The following TADA2A variants were observed in gnomAD, a reference collection of about 807,000 sequenced individuals.
The protein encoded by TADA2A is transcriptional adaptor 2A, also known as transcriptional adapter 2-alpha.
TADA2A carries 38 observed loss-of-function variants against 67.4 expected under a neutral mutation model. That is an observed-to-expected ratio of 0.56 (90% confidence interval 0.44 to 0.74). The LOEUF (loss-of-function observed/expected upper bound fraction) is 0.74. TADA2A is among the 30% of genes least tolerant of loss of function. The pLI is 0.00. For synonymous variants in TADA2A, 192 were observed against 181.6 expected, an observed-to-expected ratio of 1.06 and a Z score of -0.46; for missense variants, 454 against 547.0, an observed-to-expected ratio of 0.83 and a Z score of 1.70.
rs1056797331 is a variant in TADA2A, at chr17:37,470,419, C to T, written c.915C>T (p.His305=). Residue 305 remains histidine (H), a synonymous_variant, in exon 13 of 16, where the codon CAC becomes CAT. Transcript: ENST00000615182. ...TNFCSARTYD[H]LKKTREEERL... is the part of the protein sequence containing the mutation. Reference sequence around the variant, plus strand: ...CCCCAGGTGCCAGAACCTACGATCACCTCAAGAAGACACGGGAGGAAGAGC... The same window carrying T: ...CCCCAGGTGCCAGAACCTACGATCATCTCAAGAAGACACGGGAGGAAGAGC... The T allele has an allele frequency of 1.2e-6, 2 of 1,613,674 alleles. No individual in the cohort carries two copies. Among genetic ancestry groups the T allele is most frequent in the Non-Finnish European group, 1.7e-6 (2 of 1,179,894 alleles).
chr17:37,471,916 TTGAGTA>T (rs1327120188), intron 14 of TADA2A, among the ~76,000 whole-genome samples: 89 of 152,336 alleles, frequency 5.8e-4, no homozygotes, highest in East Asian at 5.8e-4. Context: ...TTTTACCTCT[TTGAGTA>T]TGTCCTATTT....
intron 10 of TADA2A, among the ~76,000 whole-genome samples, chr17:37,463,591 A>G (rs2053596064): frequency 6.6e-6 from 1 of 151,430 alleles, no homozygotes; most frequent in South Asian, 2.1e-4. Flanking sequence ...GGCAACAGAA[A>G]ATCTATATTT....
intron 10 of TADA2A, among the ~76,000 whole-genome samples, chr17:37,463,622 C>G (rs2053596943): frequency 6.6e-6 from 1 of 151,722 alleles, no homozygotes; most frequent in Non-Finnish European, 1.5e-5. Context: ...TAGCCATCAT[C>G]ATAAGTATGT....
chr17:37,429,453 G>GA lies in TADA2A; in HGVS notation c.192+2454dup, dbSNP rs1009273455. Among the ~76,000 whole-genome samples, 103 of 148,402 alleles carry GA rather than the reference G, an allele frequency of 6.9e-4. 1 individual carries two copies. Among genetic ancestry groups the GA allele is most frequent in the Admixed American group, 2.7e-3 (40 of 14,848 alleles). On this transcript the variant is annotated intron_variant, in intron 4 of 15. Coordinates refer to ENST00000615182, the MANE Select transcript of TADA2A (RefSeq NM_001166105.3). ...TTTATTTTTATTTTATTTATTTATT[G>GA]AAAAAAAAAATAGAGACAGGGTTTC... is the stretch of plus-strand genomic sequence containing the variant.
chr17:37,441,660 A>G (rs2052920406), intron 6 of TADA2A, among the ~76,000 whole-genome samples: 1 of 135,830 alleles, frequency 7.4e-6, no homozygotes, highest in African/African-American at 2.9e-5. Context: ...AAAGGCTGGT[A>G]ATACCTCCTT....
chr17:37,462,965 G>A (rs2053581091), intron 10 of TADA2A, among the ~76,000 whole-genome samples: 1 of 152,018 alleles, frequency 6.6e-6, no homozygotes, highest in African/African-American at 2.4e-5. Flanking sequence ...CCTTACTGTG[G>A]TTTTTTGTTG....
intron 2 of TADA2A, among the ~76,000 whole-genome samples, chr17:37,419,962 C>T (rs1451569074): frequency 7.0e-6 from 1 of 143,422 alleles, no homozygotes; most frequent in African/African-American, 2.6e-5. Flanking sequence ...TTGCAGTGAG[C>T]TGAGATCGCG....
intron 4 of TADA2A, among the ~76,000 whole-genome samples, chr17:37,427,476 A>G (rs2147936036): frequency 6.6e-6 from 1 of 152,356 alleles, no homozygotes; most frequent in East Asian, 1.9e-4. Context: ...AAGTGAACAC[A>G]GCAAATGAAT....
intron 2 of TADA2A, among the ~76,000 whole-genome samples, chr17:37,418,747 A>G (rs1048749961): frequency 1.5e-4 from 22 of 151,604 alleles, no homozygotes; most frequent in African/African-American, 5.1e-4. Context: ...CCACCACCAC[A>G]TCCAGCTAAT....
In TADA2A at chr17:37,441,005, G is replaced by C. The variant is rs142222745; in HGVS notation, c.442+343G>C. 4.9e-3 allele frequency among the ~76,000 whole-genome samples: 742 copies of C among 151,658 alleles called. 2 individuals carry two copies. Among genetic ancestry groups the C allele is most frequent in the Non-Finnish European group, 7.7e-3 (524 of 67,994 alleles). ...AGCTACTGGGGAGGCCAAGGCAGGAGAATCACTTGAACCGGGTAGGCGGAG... is the reference window on the plus strand; with the variant it reads ...AGCTACTGGGGAGGCCAAGGCAGGACAATCACTTGAACCGGGTAGGCGGAG... On this transcript the variant is annotated intron_variant, in intron 6 of 15. Transcript: ENST00000615182.
chr17:37,411,314 TGAA>T lies in TADA2A; in HGVS notation c.-47_-45del, dbSNP rs1200509235. 1.9e-6 allele frequency: 3 copies of T among 1,605,858 alleles called. No individual in the cohort carries two copies. The highest frequency in any genetic ancestry group is 2.6e-6 in the Non-Finnish European group (3 of 1,172,982). Reference sequence around the variant, plus strand: ...TATGTGTTGGCCGGTTCTGAAGTCTTGAAGAAGCTCTGCTGAGGAAGACCAAAG... The same window carrying T: ...TATGTGTTGGCCGGTTCTGAAGTCTTGAAGCTCTGCTGAGGAAGACCAAAG... On this transcript the variant is annotated 5_prime_UTR_variant, in exon 2 of 16. Coordinates refer to ENST00000615182, the MANE Select transcript of TADA2A (RefSeq NM_001166105.3).
At chr17:37,408,522 A>G (rs2051734250) in intron 1 of TADA2A, 1 of 152,340 alleles carries the variant, frequency 6.6e-6, no homozygotes, top group Admixed American at 6.6e-5. Flanking sequence ...AAGTGCTGGG[A>G]TTACAGGCGT....
intron 8 of TADA2A, 52 bp downstream of exon 8, chr17:37,444,820 C>G (rs1011336425): frequency 6.6e-7 from 1 of 1,506,844 alleles, no homozygotes; most frequent in African/African-American, 1.4e-5. Flanking sequence ...TGTGATGACA[C>G]TGTCTTGGGT....
chr17:37,463,367 T>C (rs2053590654), intron 10 of TADA2A, among the ~76,000 whole-genome samples: 1 of 152,118 alleles, frequency 6.6e-6, no homozygotes, highest in Non-Finnish European at 1.5e-5. Flanking sequence ...TCCCAGTTGA[T>C]AGATTCTTGT....
chr17:37,470,643 G>T, intron 13 of TADA2A, 111 bp downstream of exon 13: 1 of 1,210,644 alleles, frequency 8.3e-7, no homozygotes, highest in Non-Finnish European at 1.1e-6. Flanking sequence ...GTAGCTGGAA[G>T]AATTCAGAAA....
At chr17:37,458,829 A>G (rs1315175130) in intron 9 of TADA2A, among the ~76,000 whole-genome samples, 1 of 152,066 alleles carries the variant, frequency 6.6e-6, no homozygotes, top group African/African-American at 2.4e-5. Flanking sequence ...GCAGTGCGCC[A>G]CCATGCCTGG....
intron 4 of TADA2A, among the ~76,000 whole-genome samples, chr17:37,429,411 A>G (rs773739826): frequency 3.9e-5 from 6 of 152,164 alleles, no homozygotes; most frequent in Non-Finnish European, 7.3e-5. Flanking sequence ...CAGGAATCTT[A>G]GGATGAGGGG....
chr17:37,451,181 C>A (rs1052782685), intron 8 of TADA2A, among the ~76,000 whole-genome samples: 10 of 152,106 alleles, frequency 6.6e-5, no homozygotes, highest in Non-Finnish European at 1.5e-5. Flanking sequence ...GCACACGCCA[C>A]CACACTTGGC....
chr17:37,425,128 G>GC (rs1283011502), intron 3 of TADA2A, among the ~76,000 whole-genome samples: 4 of 150,954 alleles, frequency 2.6e-5, no homozygotes, highest in Admixed American at 2.6e-4. Context: ...TGATCCTCCT[G>GC]CCTCAGCCCC....
Sources: gnomAD v4.1 joint callset for allele counts (sites outside exome capture counted in the v4.1 genomes callset) on GRCh38, gnomAD v4.1.1 for gene constraint, MANE v1.5 for transcripts, NCBI Gene and HGNC (gene_info 2026-07-23, HGNC 2026-07-21) for gene names.